The following PRKN variants were observed in gnomAD, a reference collection of about 807,000 sequenced individuals.
The protein encoded by PRKN is parkin RBR E3 ubiquitin protein ligase.
Under a neutral mutation model 59.5 loss-of-function variants are expected in PRKN, and 56 were observed. That is an observed-to-expected ratio of 0.94 (90% CI 0.76 to 1.18). PRKN has a LOEUF of 1.18. Ranked by LOEUF, PRKN falls within the 50% of genes most tolerant of loss-of-function variation. The probability of loss-of-function intolerance (pLI) is 0.00; values close to 1 mark genes in which losing one functional copy is unlikely to be tolerated. For synonymous variants in PRKN, 250 were observed against 222.1 expected (o/e 1.13, Z -1.12); for missense variants, 657 against 596.4 (o/e 1.10, Z -1.06).
At chr6:161,777,894 G>A (rs1231704500) in intron 7 of PRKN, among the ~76,000 whole-genome samples, 1 of 122,948 alleles carries the variant, frequency 8.1e-6, no homozygotes, top group East Asian at 2.5e-4. Flanking sequence ...GTATATATAT[G>A]TATACATATA....
chr6:162,645,376 G>A (rs1778126926), intron 1 of PRKN, among the ~76,000 whole-genome samples: 2 of 152,164 alleles, frequency 1.3e-5, no homozygotes, highest in Admixed American at 6.6e-5. Flanking sequence ...TGTGCATCAA[G>A]AAGCAAACAG....
At chr6:162,426,050 T>C (rs1003021914) in intron 2 of PRKN, among the ~76,000 whole-genome samples, 1 of 152,220 alleles carries the variant, frequency 6.6e-6, no homozygotes, top group Non-Finnish European at 1.5e-5. Flanking sequence ...AGCTATACGC[T>C]ATGTCTTCAA....
intron 4 of PRKN, among the ~76,000 whole-genome samples, chr6:162,081,073 C>T (rs1365970457): frequency 6.6e-6 from 1 of 152,124 alleles, no homozygotes; most frequent in Non-Finnish European, 1.5e-5. Flanking sequence ...TCTAATTCTA[C>T]TGTTCTTGCT....
At position 161,356,730 on chromosome 6, in the gene PRKN, A is replaced by G. The variant is rs1370080776; in HGVS notation, c.1285+3358T>C. Among the ~76,000 whole-genome samples, 1 of 152,088 alleles carries G rather than the reference A, an allele frequency of 6.6e-6. No homozygotes were observed. Among genetic ancestry groups the G allele is most frequent in the African/African-American group, 2.4e-5 (1 of 41,396 alleles). ...GGTGCTGTTGACTGAGGTGGGGTGC[A>G]CCCTAGAGGAAAAGGTTTTCTAGGA... is the stretch of plus-strand genomic sequence containing the variant. On this transcript the variant is annotated intron_variant, in intron 11 of 11. Coordinates refer to ENST00000366898, the MANE Select transcript of PRKN (RefSeq NM_004562.3). The surrounding 1 kb of genome is among the most constrained non-coding windows in gnomAD (Gnocchi z 7.8).
At chr6:162,173,291 G>A (rs1783373136) in intron 4 of PRKN, among the ~76,000 whole-genome samples, 1 of 152,088 alleles carries the variant, frequency 6.6e-6, no homozygotes, top group Non-Finnish European at 1.5e-5. Flanking sequence ...TGTCCTGATT[G>A]CTGTGCAGTC....
Position 161,386,803 on chromosome 6 carries a change from T to C in PRKN, c.1158A>G (p.Thr386=), listed in dbSNP as rs756949723. 2.2e-5 allele frequency: 35 copies of C among 1,612,780 alleles called. No individual in the cohort carries two copies. The highest frequency in any genetic ancestry group is 2.8e-5 in the Non-Finnish European group (33 of 1,178,886). Residue 386 remains threonine (T), a synonymous_variant, in exon 10 of 12, where the codon ACA becomes ACG. Coordinates refer to ENST00000366898, the MANE Select transcript of PRKN (RefSeq NM_004562.3). The surrounding 1 kb of genome is among the most constrained non-coding windows in gnomAD (Gnocchi z 4.3). ...ECSAVFEASG[T]TTQAYRVDER... ...GTAGGGCATTCTGTACCTGAGTAGT[T>C]GTTCCTGAGGCTTCAAATACGGCAC...
intron 1 of PRKN, among the ~76,000 whole-genome samples, chr6:162,462,684 T>C (rs1372811998): frequency 6.6e-6 from 1 of 152,150 alleles, no homozygotes; most frequent in Admixed American, 6.5e-5. Context: ...GCTGCTTACT[T>C]CCCAAATTTT....
At chr6:161,686,791 C>A (rs1050625041) in intron 7 of PRKN, among the ~76,000 whole-genome samples, 3 of 152,160 alleles carry the variant, frequency 2.0e-5, no homozygotes, top group Non-Finnish European at 2.9e-5. Context: ...CTATTCAAAG[C>A]AAACCACAGC....
At chr6:162,437,559 C>CA (rs1356727585) in intron 2 of PRKN, among the ~76,000 whole-genome samples, 4 of 152,152 alleles carry the variant, frequency 2.6e-5, no homozygotes, top group Non-Finnish European at 5.9e-5. Context: ...GTTACCCTTT[C>CA]ACAGTCGTAC....
At chr6:162,072,146 G>C (rs895240580) in intron 4 of PRKN, among the ~76,000 whole-genome samples, 3 of 152,076 alleles carry the variant, frequency 2.0e-5, no homozygotes, top group Non-Finnish European at 4.4e-5. Flanking sequence ...ACACAGGCTG[G>C]GCGCGGTGGC....
At chr6:161,642,312 T>C (rs1366690625) in intron 7 of PRKN, among the ~76,000 whole-genome samples, 3 of 152,228 alleles carry the variant, frequency 2.0e-5, no homozygotes, top group Admixed American at 6.5e-5. Flanking sequence ...AAAGTGTACC[T>C]TTAACTTGAG....
chr6:162,568,910 G>A, intron 1 of PRKN: 1 of 680,182 alleles, frequency 1.5e-6, no homozygotes, highest in South Asian at 1.5e-5. Flanking sequence ...GGAAGGACAT[G>A]GATGATGCTT....
chr6:161,658,300 T>C (rs1439790545), intron 7 of PRKN, among the ~76,000 whole-genome samples: 1 of 152,186 alleles, frequency 6.6e-6, no homozygotes, highest in Non-Finnish European at 1.5e-5. Context: ...TTGGAAGTGT[T>C]GGTCAATTAT....
chr6:162,607,243 T>G (rs1162149230), intron 1 of PRKN, among the ~76,000 whole-genome samples: 3 of 152,074 alleles, frequency 2.0e-5, no homozygotes, highest in Non-Finnish European at 2.9e-5. Context: ...ATGACATTGG[T>G]GAGAGACCAT....
At chr6:161,856,354 C>T (rs932232257) in intron 6 of PRKN, among the ~76,000 whole-genome samples, 5 of 123,934 alleles carry the variant, frequency 4.0e-5, no homozygotes, top group African/African-American at 1.3e-4. Flanking sequence ...GAGTGAAATG[C>T]CATCTCAAAA....
intron 2 of PRKN, chr6:162,267,209 AG>A (rs1468082193): frequency 6.6e-6 from 1 of 152,192 alleles, no homozygotes; most frequent in African/African-American, 2.4e-5. Context: ...CATTTCCCTC[AG>A]TTGGCATCCC....
intron 6 of PRKN, among the ~76,000 whole-genome samples, chr6:161,961,009 A>G (rs1353325710): frequency 6.6e-6 from 1 of 152,236 alleles, no homozygotes; most frequent in African/African-American, 2.4e-5. Context: ...TATAAATAAC[A>G]TTCAAAATGT....
chr6:161,556,237 C>T (rs1780233540), intron 8 of PRKN, among the ~76,000 whole-genome samples: 1 of 152,046 alleles, frequency 6.6e-6, no homozygotes, highest in South Asian at 2.1e-4. Flanking sequence ...TTTGAGCATA[C>T]AATTCCTTTT....
Position 161,560,470 on chromosome 6 carries a change from A to G in PRKN, c.933+8885T>C, listed in dbSNP as rs899101677. ...TCACTGCTGCCCCCTGATCTCCTGG[A>G]TGCAGCCCCTCATTCTTGAAGACTG... is the stretch of plus-strand genomic sequence containing the variant. On this transcript the variant is annotated intron_variant, in intron 8 of 11. Transcript: ENST00000366898. This position sits in a 1 kb window ranked among gnomAD's most constrained non-coding sequence, Gnocchi z 4.9. 6.6e-6 allele frequency among the ~76,000 whole-genome samples: 1 copy of G among 152,072 alleles called. No homozygotes were observed. Among genetic ancestry groups the G allele is most frequent in the Non-Finnish European group, 1.5e-5 (1 of 68,008 alleles).
Sources: gnomAD v4.1 joint callset for allele counts (sites outside exome capture counted in the v4.1 genomes callset) on GRCh38, gnomAD v4.1.1 for gene constraint, Gnocchi (gnomAD v3.1) non-coding constraint, MANE v1.5 for transcripts, NCBI Gene and HGNC (gene_info 2026-07-23, HGNC 2026-07-21) for gene names.